The following PCSK9 variants were observed in gnomAD, a reference collection of about 807,000 sequenced individuals.
PCSK9 encodes the protein proprotein convertase subtilisin/kexin type 9, also known as convertase subtilisin/kexin type 9 preproprotein.
Under a neutral mutation model 62.1 loss-of-function variants are expected in PCSK9, and 57 were observed. That is an observed-to-expected ratio of 0.92 (90% confidence interval 0.74 to 1.14). PCSK9 has a LOEUF of 1.14. Ranked by LOEUF, PCSK9 falls within the 50% of genes most tolerant of loss-of-function variation. The pLI is 0.00. For synonymous variants in PCSK9, 387 were observed against 409.4 expected, an observed-to-expected ratio of 0.95 and a Z score of 0.66; for missense variants, 870 against 959.8, an observed-to-expected ratio of 0.91 and a Z score of 1.24.
chr1:55,048,801 C>T (rs1453790695), intron 3 of PCSK9, among the ~76,000 whole-genome samples: 2 of 152,254 alleles, frequency 1.3e-5, no homozygotes, highest in Non-Finnish European at 2.9e-5. Flanking sequence ...ATAACCCTCA[C>T]TCTGGGGGGC....
In PCSK9 at chr1:55,039,806, T is replaced by C. The variant is rs779683108; in HGVS notation, c.-32T>C. On this transcript the variant is annotated 5_prime_UTR_variant, in exon 1 of 12. Coordinates refer to ENST00000302118, the MANE Select transcript of PCSK9 (RefSeq NM_174936.4). ...GACCGCGCACGGCCTCTAGGTCTCCTCGCCAGGACAGCAACCTCTCCCCTG... is the reference window on the plus strand; with the variant it reads ...GACCGCGCACGGCCTCTAGGTCTCCCCGCCAGGACAGCAACCTCTCCCCTG... 6.4e-7 allele frequency: 1 copy of C among 1,569,404 alleles called. No homozygotes were observed. Among genetic ancestry groups the C allele is most frequent in the African/African-American group, 1.3e-5 (1 of 74,556 alleles).
In PCSK9 at chr1:55,046,550, A is replaced by G. The variant is rs746734908; in HGVS notation, c.427A>G (p.Ile143Val). The G allele has an allele frequency of 6.2e-7, 1 of 1,614,168 alleles. No individual in the cohort carries two copies. Among genetic ancestry groups the G allele is most frequent in the South Asian group, 1.1e-5 (1 of 91,076 alleles). Reference sequence around the variant, plus strand: ...CTTGAAGTTGCCCCATGTCGACTACATCGAGGAGGACTCCTCTGTCTTTGC... The same window carrying G: ...CTTGAAGTTGCCCCATGTCGACTACGTCGAGGAGGACTCCTCTGTCTTTGC... ...LALKLPHVDY[I>V]EEDSSVFAQS... Residue 143 changes from isoleucine (I) to valine (V), a missense_variant, in exon 3 of 12, where the codon ATC becomes GTC. By Grantham distance (29) the Ile-to-Val change is conservative (BLOSUM62 3). Transcript: ENST00000302118.
At chr1:55,043,787 C>T in intron 1 of PCSK9, 56 bp from the exon 2 acceptor site, 7 of 1,590,666 alleles carry the variant, frequency 4.4e-6, no homozygotes, top group South Asian at 1.1e-5. Context: ...ATAAAGTACA[C>T]CTAGGGTTTG....
At chr1:55,056,476 C>G (rs997424574) in intron 6 of PCSK9, among the ~76,000 whole-genome samples, 2 of 152,180 alleles carry the variant, frequency 1.3e-5, no homozygotes, top group African/African-American at 2.4e-5. Context: ...ACACCCCGTC[C>G]TGGCCACTCT....
intron 11 of PCSK9, among the ~76,000 whole-genome samples, chr1:55,062,869 G>A (rs1205262365): frequency 1.3e-5 from 2 of 152,196 alleles, no homozygotes; most frequent in African/African-American, 4.8e-5. Flanking sequence ...GCTGAGAAGA[G>A]ATGACAAGGA....
chr1:55,041,160 C>CG (rs35360090), intron 1 of PCSK9, among the ~76,000 whole-genome samples: 7 of 152,146 alleles, frequency 4.6e-5, no homozygotes, highest in Non-Finnish European at 4.4e-5. Flanking sequence ...ATGCAAGCCC[C>CG]GGGGGGATCA....
At chr1:55,046,690 A>G (rs766540707) in intron 3 of PCSK9, 44 bp downstream of exon 3, 1 of 1,608,496 alleles carries the variant, frequency 6.2e-7, no homozygotes, top group East Asian at 2.2e-5. Flanking sequence ...TCTGAGCTGA[A>G]TCCATTTGCT....
chr1:55,056,048 G>A lies in PCSK9; in HGVS notation c.855G>A (p.Val285=), dbSNP rs2100311818. 6.2e-7 allele frequency: 1 copy of A among 1,609,166 alleles called. No individual in the cohort carries two copies. Among genetic ancestry groups the A allele is most frequent in the Non-Finnish European group, 8.5e-7 (1 of 1,177,002 alleles). The change falls in exon 6 of 12, where the codon GTG becomes GTA. Residue 285 remains valine, a synonymous_variant. Transcript: ENST00000302118. Reference sequence around the variant, plus strand: ...TCCAGCCTGTGGGGCCACTGGTGGTGCTGCTGCCCCTGGCGGGTGGGTACA... The same window carrying A: ...TCCAGCCTGTGGGGCCACTGGTGGTACTGCTGCCCCTGGCGGGTGGGTACA... ...QLVQPVGPLV[V]LLPLAGGYSR...
chr1:55,051,119 TA>T, intron 3 of PCSK9: 1 of 456,054 alleles, frequency 2.2e-6, no homozygotes, highest in South Asian at 1.5e-5. Context: ...ACCGAAGCCA[TA>T]AGAAGTGGGT....
At position 55,061,532 on chromosome 1, in the gene PCSK9, T is replaced by C. The variant is rs767139884; in HGVS notation, c.1839T>C (p.His613=). The C allele has an allele frequency of 1.5e-5, 24 of 1,601,256 alleles. No individual in the cohort carries two copies. The highest frequency in any genetic ancestry group is 1.9e-5 in the Non-Finnish European group (22 of 1,174,320). Residue 613 remains histidine, a synonymous_variant, in exon 11 of 12, where the codon CAT becomes CAC. Coordinates refer to ENST00000302118, the MANE Select transcript of PCSK9 (RefSeq NM_174936.4). ...APGLECKVKE[H]GIPAPQEQVT... is the part of the protein sequence containing the mutation. ...GTCTGGAATGCAAAGTCAAGGAGCA[T>C]GGAATCCCGGCCCCTCAGGAGCAGG... is the stretch of plus-strand genomic sequence containing the variant.
chr1:55,056,928 C>T (rs970022979), intron 6 of PCSK9, among the ~76,000 whole-genome samples: 6 of 14,400 alleles, frequency 4.2e-4, no homozygotes, highest in African/African-American at 4.7e-4. Context: ...CAGCGGTAAC[C>T]TAGGTCCCCC....
intron 2 of PCSK9, among the ~76,000 whole-genome samples, chr1:55,045,763 C>T (rs1261925402): frequency 6.6e-6 from 1 of 151,334 alleles, no homozygotes; most frequent in Non-Finnish European, 1.5e-5. Context: ...ATCTGCACCT[C>T]TGCCTCCCGG....
rs772102827 is a variant in PCSK9, at chr1:55,063,527, CG to C, written c.2023del (p.Val675LeufsTer130). 5 of 1,613,500 alleles carry C rather than the reference CG, an allele frequency of 3.1e-6. No homozygotes were observed. Among genetic ancestry groups the C allele is most frequent in the Admixed American group, 3.3e-5 (2 of 60,004 alleles). On this transcript the variant is annotated frameshift_variant, in exon 12 of 12. Transcript: ENST00000302118. LOFTEE classifies it high-confidence loss of function. ...GCACCAGCGAAGGGGCCGTGACAGC[CG>C]TTGCCATCTGCTGCCGGAGCCGGCA... ...GSTSEGAVTA[V>X]AICCRSRHLA... is the part of the protein sequence containing the mutation.
At position 55,043,926 on chromosome 1, in the gene PCSK9, C is replaced by T. The variant is rs890016927; in HGVS notation, c.291C>T (p.Arg97=). 2 of 1,614,210 alleles carry T rather than the reference C, an allele frequency of 1.2e-6. No homozygotes were observed. The highest frequency in any genetic ancestry group is 1.7e-6 in the Non-Finnish European group (2 of 1,180,040). ...CGCAGTCAGAGCGCACTGCCCGCCG[C>T]CTGCAGGCCCAGGCTGCCCGCCGGG... is the stretch of plus-strand genomic sequence containing the variant. The part of the protein sequence containing the change: ...HLSQSERTAR[R]LQAQAARRGY... Residue 97 remains arginine, a synonymous_variant, in exon 2 of 12, where the codon CGC becomes CGT. Transcript: ENST00000302118.
chr1:55,061,568 C>A lies in PCSK9; in HGVS notation c.1863+12C>A. On this transcript the variant is annotated intron_variant, in intron 11 of 11. Transcript: ENST00000302118. ...CCCCTCAGGAGCAGGTGAAGAGGCC[C>A]GTGAGGCCGGGTGGGTGGGGTGCTG... 6.3e-7 allele frequency: 1 copy of A among 1,583,634 alleles called. No homozygotes were observed. The highest frequency in any genetic ancestry group is 2.3e-5 in the East Asian group (1 of 43,366).
chr1:55,063,725 G>T lies in PCSK9; in HGVS notation c.*141G>T, dbSNP rs557810558. 38 of 1,063,052 alleles carry T rather than the reference G, an allele frequency of 3.6e-5. 1 individual carries two copies. In the South Asian group the frequency reaches 5.1e-4, roughly 14 times the overall value. 65.9% of individuals were successfully genotyped at this position (1,063,052 alleles called of 1,614,324 possible). A position where few individuals can be genotyped will look rare whatever the true frequency, so the allele number is the denominator to read the frequency against. ...TGCTTCCGCCTTTCCGGGGCTGCTGGCCTGGCCCTTGAGTGGGGCAGCCTC... is the reference window on the plus strand; with the variant it reads ...TGCTTCCGCCTTTCCGGGGCTGCTGTCCTGGCCCTTGAGTGGGGCAGCCTC... On this transcript the variant is annotated 3_prime_UTR_variant, in exon 12 of 12. Transcript: ENST00000302118.
rs1644787159 is a variant in PCSK9 at position 55,064,557 on chromosome 1, T to C, written c.*973T>C. ...AGCTCGGTGAGTGATGGCAGAACGA[T>C]GCCTGCAGGCATGGAACTTTTTCCG... On this transcript the variant is annotated 3_prime_UTR_variant, in exon 12 of 12. Transcript: ENST00000302118. The C allele has an allele frequency of 6.6e-6, 1 of 152,238 alleles. No homozygotes were observed. The highest frequency in any genetic ancestry group is 1.5e-5 in the Non-Finnish European group (1 of 68,078). The allele number at this position is 152,238 out of a possible 1,614,324, so 9.4% of individuals were successfully genotyped here. A position where few individuals can be genotyped will look rare whatever the true frequency, so the allele number is the denominator to read the frequency against.
chr1:55,063,193 G>A (rs72646528), intron 11 of PCSK9, among the ~76,000 whole-genome samples, 176 bp from the exon 12 acceptor site: 65 of 152,218 alleles, frequency 4.3e-4, no homozygotes, highest in African/African-American at 9.4e-4. Context: ...GTGCAGAACC[G>A]CCTGGGTGGG....
chr1:55,050,510 C>T (rs1471964408), intron 3 of PCSK9, among the ~76,000 whole-genome samples: 1 of 152,214 alleles, frequency 6.6e-6, no homozygotes, highest in Non-Finnish European at 1.5e-5. Flanking sequence ...CGCCTCATCC[C>T]ACAGCCTGGG....
Sources: allele counts gnomAD v4.1 joint callset (sites outside exome capture counted in the v4.1 genomes callset), GRCh38; gene constraint gnomAD v4.1.1; transcripts MANE v1.5; gene names NCBI Gene and HGNC (gene_info 2026-07-23, HGNC 2026-07-21).